ANKS6: variants seen among roughly 807,000 people sequenced by gnomAD.
The protein encoded by ANKS6 is ankyrin repeat and SAM domain-containing protein 6.
ANKS6 carries 47 observed loss-of-function variants against 77.9 expected under a neutral mutation model. The observed-to-expected ratio is 0.60, with a 90% CI of 0.48 to 0.77. The LOEUF (loss-of-function observed/expected upper bound fraction) is 0.77, where lower values mean the gene tolerates loss of function less well. Ranked by LOEUF, ANKS6 falls within the 30% of genes least tolerant of loss-of-function variation. The probability of loss-of-function intolerance (pLI) is 0.00; values close to 1 mark genes in which losing one functional copy is unlikely to be tolerated. For synonymous variants in ANKS6, 488 were observed against 501.7 expected (o/e 0.97, Z 0.37); for missense variants, 1,150 against 1,159.1 (o/e 0.99, Z 0.11).
intron 11 of ANKS6, among the ~76,000 whole-genome samples, chr9:98,758,321 TTTC>T (rs1471222552): frequency 1.3e-3 from 93 of 71,764 alleles, no homozygotes; most frequent in Middle Eastern, 7.2e-3. Flanking sequence ...ATGCGCCATC[TTTC>T]TTTTTTTTTT....
At chr9:98,783,715 A>G (rs886796082) in intron 4 of ANKS6, 3 of 388,740 alleles carry the variant, frequency 7.7e-6, no homozygotes, top group Non-Finnish European at 1.4e-5. Context: ...CTCCTGCTGC[A>G]TGGTTTTTCA....
Position 98,756,184 on chromosome 9 carries a change from T to A in ANKS6, c.2326+236A>T, listed in dbSNP as rs111239162. Among the ~76,000 whole-genome samples, 76 of 152,302 alleles carry A rather than the reference T, an allele frequency of 5.0e-4. 1 individual carries two copies. The South Asian group carries it at 0.011, about 22-fold the overall frequency. On this transcript the variant is annotated intron_variant, in intron 12 of 14. Transcript: ENST00000353234. ...ACTTCCATGGGTGTATGTTTGTGCA[T>A]GTAAACAAAAATCACCTATACTCAA...
chr9:98,754,200 T>C (rs987158481), intron 12 of ANKS6, among the ~76,000 whole-genome samples: 1 of 152,172 alleles, frequency 6.6e-6, no homozygotes, highest in African/African-American at 2.4e-5. Context: ...GGAACAAATG[T>C]GAGGCTGAGA....
chr9:98,778,475 C>T, intron 6 of ANKS6, 51 bp from the exon 7 acceptor site: 1 of 1,578,992 alleles, frequency 6.3e-7, no homozygotes, highest in Non-Finnish European at 8.6e-7. Context: ...GGCAAGGAGA[C>T]CAGGCCCAGG....
chr9:98,753,548 G>A (rs1428209907), intron 12 of ANKS6, among the ~76,000 whole-genome samples: 2 of 151,814 alleles, frequency 1.3e-5, no homozygotes, highest in Non-Finnish European at 1.5e-5. Context: ...TGAGACCAGG[G>A]AGGTTGAGGC....
intron 11 of ANKS6, among the ~76,000 whole-genome samples, chr9:98,763,227 CAA>C (rs141373625): frequency 0.71 from 106,974 of 151,658 alleles, 38,295 homozygotes; most frequent in African/African-American, 0.76. Flanking sequence ...AGAAATTCAC[CAA>C]AAGAGATCAC....
intron 12 of ANKS6, among the ~76,000 whole-genome samples, chr9:98,753,688 T>C (rs1171769728): frequency 6.6e-6 from 1 of 151,322 alleles, no homozygotes; most frequent in Non-Finnish European, 1.5e-5. Context: ...ACCCCCATCA[T>C]AGCCAATTTC....
At position 98,733,142 on chromosome 9, in the gene ANKS6, G is replaced by T; in HGVS notation, c.*3377C>A. On this transcript the variant is annotated 3_prime_UTR_variant, in exon 15 of 15. Transcript: ENST00000353234. Reference sequence around the variant, plus strand: ...GCAGAGAAGTCCTTTTTCATCTTTGGAGACAGAGCGTACGAGTAGGGCTGG... The same window carrying T: ...GCAGAGAAGTCCTTTTTCATCTTTGTAGACAGAGCGTACGAGTAGGGCTGG... 1 of 956,810 alleles carries T rather than the reference G, an allele frequency of 1.0e-6. No homozygotes were observed. 59.3% of individuals were successfully genotyped at this position (956,810 alleles called of 1,614,324 possible).
intron 9 of ANKS6, among the ~76,000 whole-genome samples, chr9:98,771,725 C>T (rs1002790318): frequency 1.3e-5 from 2 of 152,118 alleles, no homozygotes; most frequent in Non-Finnish European, 1.5e-5. Context: ...CCACTCCTCC[C>T]ACAGCGGCTC....
At chr9:98,766,214 A>G (rs2117997727) in intron 11 of ANKS6, among the ~76,000 whole-genome samples, 1 of 152,370 alleles carries the variant, frequency 6.6e-6, no homozygotes, top group African/African-American at 2.4e-5. Context: ...GCATCTTTTG[A>G]TACAATCTCC....
chr9:98,745,957 G>A (rs1048196677), intron 13 of ANKS6: 16 of 414,282 alleles, frequency 3.9e-5, no homozygotes, highest in African/African-American at 2.8e-4. Flanking sequence ...CATCTGGGTG[G>A]CTAGAATAGG....
rs1835171774 is a variant in ANKS6 at position 98,796,273 on chromosome 9, G to C, written c.219C>G (p.Cys73Trp). ...GTGCGGTGTTGCCCGCCTCGTCCGA[G>C]CAATCCACGGGCACCGGAGCCCCGA... ...GAVGAPVPVD[C>W]SDEAGNTALQ... The change falls in exon 1 of 15, where the codon TGC (cysteine) becomes TGG (tryptophan). Residue 73 changes from cysteine (C) to tryptophan (W), a missense_variant. Cys to Trp is a radical substitution (Grantham distance 215). Transcript: ENST00000353234. 5 of 1,343,702 alleles carry C rather than the reference G, an allele frequency of 3.7e-6. No individual in the cohort carries two copies. Among genetic ancestry groups the C allele is most frequent in the Non-Finnish European group, 4.8e-6 (5 of 1,041,960 alleles). 83.2% of individuals were successfully genotyped at this position (1,343,702 alleles called of 1,614,324 possible). A position where few individuals can be genotyped will look rare whatever the true frequency, so the allele number is the denominator to read the frequency against.
At chr9:98,737,622 T>C (rs1033971880) in intron 14 of ANKS6, among the ~76,000 whole-genome samples, 5 of 152,210 alleles carry the variant, frequency 3.3e-5, no homozygotes, top group African/African-American at 1.2e-4. Flanking sequence ...TGCTCATGGA[T>C]GGAGAGAATC....
Position 98,790,408 on chromosome 9 carries a change from C to A in ANKS6, c.558G>T (p.Arg186Ser). 1 of 1,613,786 alleles carries A rather than the reference C, an allele frequency of 6.2e-7. No individual in the cohort carries two copies. Among genetic ancestry groups the A allele is most frequent in the Non-Finnish European group, 8.5e-7 (1 of 1,180,012 alleles). ...SGEQLGLGGS[R>S]DEPLDITALM... ...GGGCTGTGATGTCCAAGGGCTCATCCCTGCTGCCGCCCAACCCCAGTTGCT... is the reference window on the plus strand; with the variant it reads ...GGGCTGTGATGTCCAAGGGCTCATCACTGCTGCCGCCCAACCCCAGTTGCT... Residue 186 changes from arginine to serine, a missense_variant, in exon 2 of 15, where the codon AGG becomes AGT. By Grantham distance (110) the Arg-to-Ser change is moderately radical. Coordinates refer to ENST00000353234, the MANE Select transcript of ANKS6 (RefSeq NM_173551.5).
intron 11 of ANKS6, among the ~76,000 whole-genome samples, chr9:98,757,329 T>C (rs569352636): frequency 2.0e-5 from 3 of 152,224 alleles, no homozygotes; most frequent in Non-Finnish European, 2.9e-5. Flanking sequence ...TGCATGGAGC[T>C]GTGCTGTATC....
At chr9:98,789,887 C>T in intron 2 of ANKS6, 1 of 596,122 alleles carries the variant, frequency 1.7e-6, no homozygotes, top group Non-Finnish European at 2.6e-6. Flanking sequence ...CAGGCTCTTG[C>T]CCAGGGCTAC....
intron 9 of ANKS6, 62 bp from the exon 10 acceptor site, chr9:98,771,108 TCA>T (rs1192909180): frequency 3.5e-6 from 5 of 1,425,672 alleles, no homozygotes; most frequent in Non-Finnish European, 2.8e-6. Flanking sequence ...CCGTGCAGGA[TCA>T]CAGTGTGGGG....
chr9:98,747,230 A>C (rs957265941), intron 13 of ANKS6, among the ~76,000 whole-genome samples: 2 of 152,206 alleles, frequency 1.3e-5, no homozygotes, highest in African/African-American at 4.8e-5. Context: ...CTTTATAAGA[A>C]GGCTTTATTT....
At chr9:98,765,247 T>C (rs943169716) in intron 11 of ANKS6, among the ~76,000 whole-genome samples, 2 of 152,212 alleles carry the variant, frequency 1.3e-5, no homozygotes, top group Non-Finnish European at 2.9e-5. Context: ...CTCTGGACCA[T>C]ATGGGCAACA....
Sources: allele counts gnomAD v4.1 joint callset (sites outside exome capture counted in the v4.1 genomes callset), GRCh38; gene constraint gnomAD v4.1.1; transcripts MANE v1.5; gene names NCBI Gene and HGNC (gene_info 2026-07-23, HGNC 2026-07-21).